The following DAB1 variants were observed in gnomAD, a reference collection of about 807,000 sequenced individuals.
The protein encoded by DAB1 is DAB adaptor protein 1.
DAB1 carries 15 observed loss-of-function variants against 64.6 expected under a neutral mutation model. The observed-to-expected ratio is 0.23, with a 90% CI of 0.16 to 0.36. DAB1 has a LOEUF of 0.36. DAB1 is among the 10% of genes least tolerant of loss of function. The pLI is 1.00. For synonymous variants in DAB1, 235 were observed against 251.9 expected (o/e 0.93, Z 0.64); for missense variants, 596 against 706.7 (o/e 0.84, Z 1.78).
intron 1 of DAB1, among the ~76,000 whole-genome samples, chr1:57,881,827 G>T (rs1427433591): frequency 3.3e-5 from 5 of 152,110 alleles, no homozygotes; most frequent in African/African-American, 1.2e-4. Flanking sequence ...CACCCACTGT[G>T]CTCATCACCA....
At chr1:58,172,675 T>C (rs1425643285) in intron 4 of DAB1, among the ~76,000 whole-genome samples, 1 of 152,136 alleles carries the variant, frequency 6.6e-6, no homozygotes, top group East Asian at 1.9e-4. Flanking sequence ...TTAACCTATA[T>C]ACCTATGGAA....
chr1:57,879,088 G>A (rs1644101423), intron 1 of DAB1, among the ~76,000 whole-genome samples: 1 of 152,030 alleles, frequency 6.6e-6, no homozygotes, highest in Non-Finnish European at 1.5e-5. Context: ...GAACACTTAG[G>A]TTGATTCTGT....
intron 2 of DAB1, among the ~76,000 whole-genome samples, chr1:57,234,412 G>A (rs907174063): frequency 1.3e-5 from 2 of 152,034 alleles, no homozygotes; most frequent in Admixed American, 1.3e-4. Context: ...TTTATAAAGT[G>A]AGTATGGTGA....
chr1:57,479,977 C>A (rs1246610835), intron 7 of DAB1, among the ~76,000 whole-genome samples: 2 of 151,744 alleles, frequency 1.3e-5, no homozygotes, highest in African/African-American at 4.8e-5. Context: ...CACGGTGAAA[C>A]CCCGTCTCTA....
intron 1 of DAB1, among the ~76,000 whole-genome samples, chr1:57,386,366 G>GAAAAAAA (rs5774342): frequency 2.2e-4 from 25 of 113,430 alleles, no homozygotes; most frequent in African/African-American, 4.5e-4. Flanking sequence ...GGCCCCTTGG[G>GAAAAAAA]AAAAAAAAAA....
chr1:57,443,832 C>T lies in DAB1; in HGVS notation n.626-152666G>A, dbSNP rs534256924. On this transcript the variant is annotated intron_variant and non_coding_transcript_variant, in intron 7 of 20. Transcript: ENST00000485760. ...AGCCATAGCCATCTCTTGCTGAGTA[C>T]TTCCTTCTCCCTGTTTGCACTCTTG... is the stretch of plus-strand genomic sequence containing the variant. 5.7e-3 allele frequency among the ~76,000 whole-genome samples: 862 copies of T among 152,298 alleles called. 6 individuals carry two copies. Among genetic ancestry groups the T allele is most frequent in the Middle Eastern group, 0.01 (3 of 294 alleles).
At chr1:57,391,174 A>G (rs1481554175) in intron 1 of DAB1, among the ~76,000 whole-genome samples, 1 of 152,194 alleles carries the variant, frequency 6.6e-6, no homozygotes, top group East Asian at 1.9e-4. Context: ...AAGAATGTCC[A>G]TTCATTCACA....
Position 57,782,114 on chromosome 1 carries a change from C to A in DAB1, n.551+101885G>T, listed in dbSNP as rs538377082. On this transcript the variant is annotated intron_variant and non_coding_transcript_variant, in intron 6 of 20. Transcript: ENST00000485760. ...ATCTCCTATAACGCAGGATTTTTAC[C>A]ACCTTGAGGTTATTAATCCAACTCC... is the stretch of plus-strand genomic sequence containing the variant. Among the ~76,000 whole-genome samples the A allele has an allele frequency of 3.9e-5, 6 of 152,132 alleles. No homozygotes were observed. The South Asian group carries it at 1.2e-3, about 32-fold the overall frequency.
intron 1 of DAB1, among the ~76,000 whole-genome samples, chr1:57,847,436 GT>G (rs1293786267): frequency 6.7e-6 from 1 of 149,058 alleles, no homozygotes; most frequent in Non-Finnish European, 1.5e-5. Flanking sequence ...AATGGTTTAA[GT>G]TCTTCTAATA....
intron 4 of DAB1, among the ~76,000 whole-genome samples, chr1:58,300,477 G>A (rs528865439): frequency 6.6e-6 from 1 of 151,342 alleles, no homozygotes; most frequent in African/African-American, 2.4e-5. Flanking sequence ...AACCTGGGAG[G>A]CAGAGGTTGC....
chr1:57,485,296 T>G lies in DAB1; in HGVS notation n.625+164296A>C, dbSNP rs115838839. ...TGGGAGAGTAGTAGTTAAGAGATTG[T>G]TCTATGGGGTGAGACCCTCTAACAT... On this transcript the variant is annotated intron_variant and non_coding_transcript_variant, in intron 7 of 20. Coordinates refer to the DAB1 transcript ENST00000485760. Among the ~76,000 whole-genome samples the G allele has an allele frequency of 5.2e-3, 789 of 152,284 alleles. 4 individuals carry two copies. The highest frequency in any genetic ancestry group is 0.012 in the African/African-American group (503 of 41,564).
chr1:57,713,766 C>G (rs146017314), intron 6 of DAB1, among the ~76,000 whole-genome samples: 1 of 152,154 alleles, frequency 6.6e-6, no homozygotes, highest in Non-Finnish European at 1.5e-5. Context: ...TGGACTCTTG[C>G]AAATGTGCAG....
At chr1:57,362,148 G>C (rs942405651) in intron 1 of DAB1, among the ~76,000 whole-genome samples, 5 of 152,112 alleles carry the variant, frequency 3.3e-5, no homozygotes, top group African/African-American at 1.2e-4. Flanking sequence ...ATATACCCCA[G>C]ATTGGTTCTC....
chr1:57,898,349 T>C (rs907673498), intron 5 of DAB1, among the ~76,000 whole-genome samples: 5 of 152,208 alleles, frequency 3.3e-5, no homozygotes, highest in African/African-American at 1.2e-4. Flanking sequence ...ATTTGCAAAG[T>C]GATTTTATCT....
intron 1 of DAB1, among the ~76,000 whole-genome samples, chr1:57,337,871 C>T (rs1209218847): frequency 3.2e-5 from 4 of 124,494 alleles, no homozygotes; most frequent in Non-Finnish European, 5.4e-5. Context: ...CCCTTCCCTC[C>T]CCTCCCCTCC....
intron 5 of DAB1, among the ~76,000 whole-genome samples, chr1:57,988,761 T>C (rs1646281840): frequency 6.6e-6 from 1 of 152,172 alleles, no homozygotes; most frequent in African/African-American, 2.4e-5. Flanking sequence ...CAGTATTCCT[T>C]AGCCTTCCAA....
chr1:57,976,593 C>T (rs1050564456), intron 5 of DAB1, among the ~76,000 whole-genome samples: 1 of 152,130 alleles, frequency 6.6e-6, no homozygotes, highest in Admixed American at 6.5e-5. Flanking sequence ...AATAATTTTT[C>T]TCCTTAAGCG....
intron 7 of DAB1, among the ~76,000 whole-genome samples, chr1:57,625,374 C>T (rs1348896576): frequency 1.3e-5 from 2 of 152,010 alleles, no homozygotes; most frequent in African/African-American, 4.8e-5. Context: ...TCACTCACCG[C>T]GTCTATAGGG....
At chr1:58,257,504 T>C (rs956201673) in intron 4 of DAB1, among the ~76,000 whole-genome samples, 5 of 152,062 alleles carry the variant, frequency 3.3e-5, no homozygotes, top group Admixed American at 3.3e-4. Flanking sequence ...GAGGCTGCAA[T>C]TGGTCAAAAG....
Sources: gnomAD v4.1 joint callset for allele counts (sites outside exome capture counted in the v4.1 genomes callset) on GRCh38, gnomAD v4.1.1 for gene constraint, MANE v1.5 for transcripts, NCBI Gene and HGNC (gene_info 2026-07-23, HGNC 2026-07-21) for gene names.